KDM4C: variants seen among roughly 807,000 people sequenced by gnomAD.
KDM4C encodes the protein lysine-specific demethylase 4C.
Under a neutral mutation model 129.3 loss-of-function variants are expected in KDM4C, and 81 were observed. The ratio of observed to expected loss-of-function variants is 0.63; its 90% confidence interval spans 0.52 to 0.75. The LOEUF is 0.75. Among genes scored for constraint, KDM4C ranks in the 30% least tolerant of loss-of-function variants. The probability of loss-of-function intolerance (pLI) is 0.00; values close to 1 mark genes in which losing one functional copy is unlikely to be tolerated. For synonymous variants in KDM4C, 573 were observed against 456.1 expected, an observed-to-expected ratio of 1.26 and a Z score of -3.26; for missense variants, 1,457 against 1,304.0, an observed-to-expected ratio of 1.12 and a Z score of -1.81.
intron 12 of KDM4C, among the ~76,000 whole-genome samples, chr9:7,005,435 CAAA>C (rs35671520): frequency 5.6e-5 from 7 of 124,068 alleles, no homozygotes; most frequent in Admixed American, 8.3e-5. Flanking sequence ...AACTCTGTCT[CAAA>C]AAAAAAAAAA....
At chr9:6,793,346 T>TA (rs529624936) in intron 2 of KDM4C, among the ~76,000 whole-genome samples, 76 of 145,758 alleles carry the variant, frequency 5.2e-4, no homozygotes, top group South Asian at 8.7e-4. Flanking sequence ...TTCTAAGGCT[T>TA]AAAAAAAAAA....
intron 6 of KDM4C, among the ~76,000 whole-genome samples, chr9:6,882,955 C>T (rs1004981138): frequency 6.6e-6 from 1 of 152,110 alleles, no homozygotes; most frequent in African/African-American, 2.4e-5. Context: ...TGCAGACAGG[C>T]ATTCAGTGGA....
intron 2 of KDM4C, among the ~76,000 whole-genome samples, chr9:6,805,094 T>A (rs1039321916): frequency 6.6e-6 from 1 of 151,670 alleles, no homozygotes; most frequent in African/African-American, 2.4e-5. Context: ...AGAGGCGGGG[T>A]TTCACCATGT....
chr9:6,774,153 G>C (rs2130666904), intron 1 of KDM4C, among the ~76,000 whole-genome samples: 1 of 152,086 alleles, frequency 6.6e-6, no homozygotes, highest in Non-Finnish European at 1.5e-5. Context: ...CTCCCAAAGT[G>C]CTGGGATTAC....
At chr9:6,862,797 A>G (rs1438660242) in intron 5 of KDM4C, among the ~76,000 whole-genome samples, 2 of 150,500 alleles carry the variant, frequency 1.3e-5, no homozygotes, top group Non-Finnish European at 3.0e-5. Flanking sequence ...ACAGAGCGAG[A>G]CTTTGTCTCA....
At chr9:6,835,295 T>G (rs1835680360) in intron 4 of KDM4C, 3 of 910,450 alleles carry the variant, frequency 3.3e-6, no homozygotes, top group Non-Finnish European at 3.7e-6. Flanking sequence ...TTGAACTCCA[T>G]TATGAAGTGT....
At chr9:6,924,988 G>A (rs1425693095) in intron 8 of KDM4C, 1 of 985,172 alleles carries the variant, frequency 1.0e-6, no homozygotes, top group East Asian at 1.1e-4. Context: ...TTGATGTTTT[G>A]TATTAGTGAA....
At chr9:7,084,432 G>A (rs1305587782) in intron 17 of KDM4C, among the ~76,000 whole-genome samples, 1 of 152,206 alleles carries the variant, frequency 6.6e-6, no homozygotes, top group Non-Finnish European at 1.5e-5. Context: ...AGTCTATTAT[G>A]AAGTGCTTTT....
At chr9:7,053,733 TTTTC>T (rs1451380725) in intron 17 of KDM4C, among the ~76,000 whole-genome samples, 1 of 152,258 alleles carries the variant, frequency 6.6e-6, no homozygotes, top group African/African-American at 2.4e-5. Flanking sequence ...CTTTCTTTCG[TTTTC>T]TTTAACAATA....
intron 6 of KDM4C, among the ~76,000 whole-genome samples, chr9:6,882,230 C>T (rs568427371): frequency 2.0e-5 from 3 of 152,216 alleles, no homozygotes; most frequent in Admixed American, 6.5e-5. Context: ...TTGTTATATT[C>T]GTCTGTAATG....
intron 15 of KDM4C, among the ~76,000 whole-genome samples, chr9:7,026,323 C>T (rs1036887597): frequency 2.0e-5 from 3 of 151,584 alleles, no homozygotes; most frequent in African/African-American, 4.8e-5. Flanking sequence ...TTCTCCTTTA[C>T]GTTCAGAGGA....
At chr9:7,051,514 A>G (rs554862561) in intron 17 of KDM4C, among the ~76,000 whole-genome samples, 2 of 152,206 alleles carry the variant, frequency 1.3e-5, no homozygotes, top group African/African-American at 2.4e-5. Flanking sequence ...CTTTCCTGAC[A>G]TAGGCATTCT....
chr9:7,164,843 A>T (rs1277810013), intron 19 of KDM4C, among the ~76,000 whole-genome samples: 2 of 152,264 alleles, frequency 1.3e-5, no homozygotes, highest in Non-Finnish European at 1.5e-5. Flanking sequence ...TTATAAGATC[A>T]CATGAGATGT....
intron 18 of KDM4C, chr9:7,104,445 C>T (rs912533687): frequency 2.6e-5 from 4 of 151,934 alleles, no homozygotes; most frequent in Non-Finnish European, 4.4e-5. Flanking sequence ...AGGATAATCT[C>T]ATAGAAAAAA....
At position 7,009,522 on chromosome 9, in the gene KDM4C, A is replaced by C. The variant is rs142648606; in HGVS notation, c.1787-2176A>C. Among the ~76,000 whole-genome samples, 279 of 152,202 alleles carry C rather than the reference A, an allele frequency of 1.8e-3. 2 individuals carry two copies. Among genetic ancestry groups the C allele is most frequent in the African/African-American group, 6.5e-3 (268 of 41,536 alleles). On this transcript the variant is annotated intron_variant, in intron 12 of 21. Coordinates refer to ENST00000381309, the MANE Select transcript of KDM4C (RefSeq NM_015061.6). ...CCCCCATCAAAGGTGTTATTAAGAG[A>C]AACTGCCTTTTTGTTACCTCTGTAA...
chr9:6,853,322 C>G (rs745373411), intron 5 of KDM4C, among the ~76,000 whole-genome samples: 7 of 141,360 alleles, frequency 5.0e-5, no homozygotes, highest in Non-Finnish European at 1.1e-4. Flanking sequence ...ACTGTTTCTA[C>G]AAAAAAAAAA....
chr9:6,977,236 C>G (rs1343039512), intron 8 of KDM4C, among the ~76,000 whole-genome samples: 4 of 152,106 alleles, frequency 2.6e-5, no homozygotes, highest in Admixed American at 2.0e-4. Flanking sequence ...TCTAATTGAT[C>G]TTCTACATTG....
upstream of KDM4C, among the ~76,000 whole-genome samples, chr9:6,756,622 C>A (rs755815909): frequency 6.6e-6 from 1 of 152,168 alleles, no homozygotes; most frequent in Non-Finnish European, 1.5e-5. Context: ...GAGGCTGAGG[C>A]AGGAGAATCT....
intron 5 of KDM4C, among the ~76,000 whole-genome samples, chr9:6,868,281 G>C (rs1018500156): frequency 6.6e-6 from 1 of 152,004 alleles, no homozygotes; most frequent in Non-Finnish European, 1.5e-5. Context: ...GCAACCATAC[G>C]TGCAGGCAGT....
Sources: allele counts gnomAD v4.1 joint callset (sites outside exome capture counted in the v4.1 genomes callset), GRCh38; gene constraint gnomAD v4.1.1; transcripts MANE v1.5; gene names NCBI Gene and HGNC (gene_info 2026-07-23, HGNC 2026-07-21).